Variants in ZFYVE28 observed in about 807,000 individuals in gnomAD.
The protein encoded by ZFYVE28 is lateral signaling target protein 2 homolog.
A neutral mutation model predicts 82.1 loss-of-function variants in ZFYVE28; 40 were observed. That is an observed-to-expected ratio of 0.49 (90% CI 0.38 to 0.63). The LOEUF is 0.63. ZFYVE28 is among the 30% of genes least tolerant of loss of function. The pLI, the probability that ZFYVE28 is intolerant of heterozygous loss-of-function variation, is 0.00. For synonymous variants in ZFYVE28, 612 were observed against 546.1 expected (o/e 1.12, Z -1.68); for missense variants, 1,321 against 1,242.1 (o/e 1.06, Z -0.96).
rs1301517489 is a variant in ZFYVE28 at position 2,275,225 on chromosome 4, C to T, written c.2052-1009G>A. Among the ~76,000 whole-genome samples the T allele has an allele frequency of 2.0e-5, 3 of 152,192 alleles. No homozygotes were observed. The East Asian group carries it at 5.8e-4, about 29-fold the overall frequency. On this transcript the variant is annotated intron_variant, in intron 8 of 12. Transcript: ENST00000290974. The stretch of plus-strand genomic sequence containing the variant: ...ATCTTCCCAGCAGCTGCGTCCTCAG[C>T]TTTCATCAGATTTGCTACTCAGGGG...
At chr4:2,391,099 C>G (rs951096806) in intron 1 of ZFYVE28, among the ~76,000 whole-genome samples, 9 of 152,274 alleles carry the variant, frequency 5.9e-5, no homozygotes, top group African/African-American at 1.7e-4. Flanking sequence ...CCCAAGCGCC[C>G]TCCTAAATGA....
chr4:2,367,190 G>T (rs1726981188), intron 1 of ZFYVE28, among the ~76,000 whole-genome samples: 1 of 152,222 alleles, frequency 6.6e-6, no homozygotes, highest in South Asian at 2.1e-4. Context: ...AATGGAATCA[G>T]CCTGTATCTG....
At chr4:2,337,543 G>C in intron 4 of ZFYVE28, 47 bp from the exon 5 acceptor site, 1 of 1,515,136 alleles carries the variant, frequency 6.6e-7, no homozygotes. Context: ...GCTGTGGCGG[G>C]GCCCCTCCAA....
intron 1 of ZFYVE28, among the ~76,000 whole-genome samples, chr4:2,413,827 TGC>T (rs1164093785): frequency 6.6e-6 from 1 of 152,074 alleles, no homozygotes; most frequent in Non-Finnish European, 1.5e-5. Context: ...TCAAGGCACA[TGC>T]CAGTGACTGC....
intron 1 of ZFYVE28, among the ~76,000 whole-genome samples, chr4:2,402,031 A>G (rs1181395691): frequency 6.6e-6 from 1 of 152,160 alleles, no homozygotes; most frequent in Non-Finnish European, 1.5e-5. Flanking sequence ...CTCTGCTGTC[A>G]AGAGACACAG....
chr4:2,416,954 C>G lies in ZFYVE28; in HGVS notation c.39+1331G>C, dbSNP rs1471083468. Among the ~76,000 whole-genome samples, 9 of 152,244 alleles carry G rather than the reference C, an allele frequency of 5.9e-5. No individual in the cohort carries two copies. ...CCCTTCGGGGCCCTGAGTGAGCCCT[C>G]AAACCTCCGTGCCGATCTTCCAAAC... is the stretch of plus-strand genomic sequence containing the variant. On this transcript the variant is annotated intron_variant, in intron 1 of 12. Coordinates refer to ENST00000290974, the MANE Select transcript of ZFYVE28 (RefSeq NM_020972.3). This position sits in a 1 kb window ranked among gnomAD's most constrained non-coding sequence, Gnocchi z 4.6.
intron 6 of ZFYVE28, among the ~76,000 whole-genome samples, chr4:2,327,270 ATAT>A (rs1376966461): frequency 4.1e-5 from 1 of 24,420 alleles, no homozygotes; most frequent in African/African-American, 1.8e-4. Context: ...ATATATATAT[ATAT>A]ATATATATAT....
At chr4:2,330,848 T>C in intron 6 of ZFYVE28, 1 of 1,520,504 alleles carries the variant, frequency 6.6e-7, no homozygotes, top group Non-Finnish European at 8.8e-7. Context: ...GCGTGGGGAC[T>C]GGGGAGAGAG....
chr4:2,313,002 G>A (rs1578038146), intron 7 of ZFYVE28, among the ~76,000 whole-genome samples: 1 of 151,720 alleles, frequency 6.6e-6, no homozygotes, highest in East Asian at 1.9e-4. Flanking sequence ...CCAAGATCAT[G>A]CGAACTGCAC....
In ZFYVE28 at chr4:2,301,832, G is replaced by T. The variant is rs542956334; in HGVS notation, c.2051+2457C>A. 2.0e-4 allele frequency among the ~76,000 whole-genome samples: 30 copies of T among 152,352 alleles called. No individual in the cohort carries two copies. The South Asian group carries it at 6.2e-3, about 32-fold the overall frequency. Reference sequence around the variant, plus strand: ...AAGCATCCAGTAGTGGGGAAAAGGTGCTCTGCCTCACACGGCCGTGAAGCT... The same window carrying T: ...AAGCATCCAGTAGTGGGGAAAAGGTTCTCTGCCTCACACGGCCGTGAAGCT... On this transcript the variant is annotated intron_variant, in intron 8 of 12. Transcript: ENST00000290974.
In ZFYVE28 at chr4:2,371,079, G is replaced by A. The variant is rs1464986957; in HGVS notation, c.40-17006C>T. On this transcript the variant is annotated intron_variant, in intron 1 of 12. Transcript: ENST00000290974. ...GACCAGTTGTTAGGTTTCGGGCCCC[G>A]CTCCTTAGGAGAAGTTGCAGGTGGG... is the stretch of plus-strand genomic sequence containing the variant. 2.0e-5 allele frequency among the ~76,000 whole-genome samples: 3 copies of A among 152,200 alleles called. No homozygotes were observed. In the East Asian group the frequency reaches 5.8e-4, roughly 29 times the overall value.
intron 8 of ZFYVE28, among the ~76,000 whole-genome samples, chr4:2,303,104 C>G (rs1423822998): frequency 1.3e-5 from 2 of 152,162 alleles, no homozygotes; most frequent in South Asian, 2.1e-4. Context: ...GGGAGGGACA[C>G]CGGGAACCAG....
chr4:2,333,540 G>A (rs999547515), intron 6 of ZFYVE28, among the ~76,000 whole-genome samples: 15 of 152,160 alleles, frequency 9.9e-5, no homozygotes, highest in African/African-American at 3.1e-4. Context: ...TGCGGCCTGC[G>A]GGGAGGGTCA....
At chr4:2,406,957 A>G (rs1308649886) in intron 1 of ZFYVE28, among the ~76,000 whole-genome samples, 1 of 152,034 alleles carries the variant, frequency 6.6e-6, no homozygotes, top group Non-Finnish European at 1.5e-5. Context: ...CATGGTCTCA[A>G]ATCCAGCCTT....
At chr4:2,345,540 T>C (rs1723409096) in intron 2 of ZFYVE28, among the ~76,000 whole-genome samples, 1 of 151,762 alleles carries the variant, frequency 6.6e-6, no homozygotes, top group Non-Finnish European at 1.5e-5. Context: ...TAATAATAGA[T>C]CATCAATGAA....
intron 2 of ZFYVE28, among the ~76,000 whole-genome samples, chr4:2,344,179 G>A (rs1439321396): frequency 6.6e-6 from 1 of 152,232 alleles, no homozygotes; most frequent in Non-Finnish European, 1.5e-5. Context: ...TCAGAGAGCA[G>A]GAGGCAGAGA....
intron 8 of ZFYVE28, among the ~76,000 whole-genome samples, chr4:2,289,877 C>A (rs995980470): frequency 1.3e-5 from 2 of 151,578 alleles, no homozygotes; most frequent in Non-Finnish European, 2.9e-5. Flanking sequence ...ACTCGGCGAA[C>A]CTGAGTTCCC....
intron 2 of ZFYVE28, among the ~76,000 whole-genome samples, chr4:2,347,948 G>A (rs914595140): frequency 6.6e-6 from 1 of 151,892 alleles, no homozygotes; most frequent in Non-Finnish European, 1.5e-5. Flanking sequence ...GCAAACAGAA[G>A]AAAGGAATAG....
chr4:2,290,207 G>A (rs894138516), intron 8 of ZFYVE28, among the ~76,000 whole-genome samples: 4 of 152,218 alleles, frequency 2.6e-5, no homozygotes, highest in Non-Finnish European at 5.9e-5. Flanking sequence ...AGCCCAGAGA[G>A]AGCAGCCCAT....
Sources: allele counts gnomAD v4.1 joint callset (sites outside exome capture counted in the v4.1 genomes callset), GRCh38; gene constraint gnomAD v4.1.1; non-coding constraint Gnocchi (gnomAD v3.1); transcripts MANE v1.5; gene names NCBI Gene and HGNC (gene_info 2026-07-23, HGNC 2026-07-21).